Variants in BPIFA3 observed in about 807,000 individuals in gnomAD.
BPIFA3 encodes BPI fold-containing family A member 3.
Under a neutral mutation model 29.7 loss-of-function variants are expected in BPIFA3, and 32 were observed. That is an observed-to-expected ratio of 1.08 (90% confidence interval 0.81 to 1.45). BPIFA3 has a LOEUF of 1.45. Ranked by LOEUF, BPIFA3 falls within the 40% of genes most tolerant of loss-of-function variation. The probability of loss-of-function intolerance (pLI) is 0.00; values close to 1 mark genes in which losing one functional copy is unlikely to be tolerated. For missense variants in BPIFA3, 323 were observed against 311.3 expected (o/e 1.04, Z -0.28); for synonymous variants, 112 against 113.7 (o/e 0.98, Z 0.10).
chr20:33,227,785 G>A lies in BPIFA3; in HGVS notation c.*168G>A. 1.7e-6 allele frequency: 1 copy of A among 590,966 alleles called. No individual in the cohort carries two copies. The highest frequency in any genetic ancestry group is 3.0e-5 in the Admixed American group (1 of 33,886). The allele number at this position is 590,966 out of a possible 1,614,324, so 36.6% of individuals were successfully genotyped here. The stretch of plus-strand genomic sequence containing the variant: ...ACAGGTCCCTCCCACCTGGGCCCTG[G>A]GGTTTAGGTCTAGAAGTCAGACCTG... On this transcript the variant is annotated 3_prime_UTR_variant, in exon 7 of 7. Coordinates refer to ENST00000375454, the MANE Select transcript of BPIFA3 (RefSeq NM_178466.5).
chr20:33,217,418 C>A lies in BPIFA3; in HGVS notation c.-119C>A. Reference sequence around the variant, plus strand: ...GCCCCTCCCCACAGCATGCTGGGGGCTAATTCTGATGTCATCTTTCTGCAG... The same window carrying A: ...GCCCCTCCCCACAGCATGCTGGGGGATAATTCTGATGTCATCTTTCTGCAG... On this transcript the variant is annotated 5_prime_UTR_variant, in exon 1 of 7. Coordinates refer to ENST00000375454, the MANE Select transcript of BPIFA3 (RefSeq NM_178466.5). 1 of 1,324,456 alleles carries A rather than the reference C, an allele frequency of 7.6e-7. No individual in the cohort carries two copies. 82.0% of individuals were successfully genotyped at this position (1,324,456 alleles called of 1,614,324 possible). A position where few individuals can be genotyped will look rare whatever the true frequency, so the allele number is the denominator to read the frequency against.
In BPIFA3 at chr20:33,224,402, C is replaced by T. The variant is rs113989803; in HGVS notation, c.326C>T (p.Ser109Leu). The change falls in exon 3 of 7, where the codon TCA becomes TTA. Residue 109 changes from serine (S) to leucine (L), a missense_variant. Coordinates refer to ENST00000375454, the MANE Select transcript of BPIFA3 (RefSeq NM_178466.5). The stretch of plus-strand genomic sequence containing the variant: ...CTGGACTGTGGTGGGATCCAGATAT[C>T]ATTCCATAAGGAGTGGTTCTCGGCA... ...IQLDCGGIQI[S>L]FHKEWFSANI... 6.2e-7 allele frequency: 1 copy of T among 1,614,056 alleles called. No individual in the cohort carries two copies. The highest frequency in any genetic ancestry group is 8.5e-7 in the Non-Finnish European group (1 of 1,180,012).
intron 1 of BPIFA3, among the ~76,000 whole-genome samples, chr20:33,219,124 C>G (rs1419491647): frequency 6.6e-6 from 1 of 152,056 alleles, no homozygotes; most frequent in Admixed American, 6.5e-5. Flanking sequence ...CAGGCGGTCT[C>G]GAACCCCTGA....
chr20:33,225,008 G>A (rs1248135239), intron 3 of BPIFA3, 90 bp from the exon 4 acceptor site: 3 of 1,237,362 alleles, frequency 2.4e-6, no homozygotes, highest in Admixed American at 1.8e-5. Flanking sequence ...CCCTAACGGT[G>A]GACAGTGCCC....
chr20:33,226,145 A>G (rs1310451037), intron 4 of BPIFA3: 3 of 390,520 alleles, frequency 7.7e-6, no homozygotes, highest in Non-Finnish European at 1.4e-5. Context: ...TGTACCAGAC[A>G]TTCATGGGAG....
chr20:33,227,039 T>A, intron 6 of BPIFA3, 46 bp downstream of exon 6: 1 of 1,573,364 alleles, frequency 6.4e-7, no homozygotes, highest in Admixed American at 1.7e-5. Flanking sequence ...GACTGGCAAG[T>A]GGCTGAAAGA....
chr20:33,225,254 C>T lies in BPIFA3; in HGVS notation c.536+7C>T, dbSNP rs753148476. On this transcript the variant is annotated splice_region_variant and intron_variant, in intron 4 of 6. Coordinates refer to ENST00000375454, the MANE Select transcript of BPIFA3 (RefSeq NM_178466.5). ...ATGTGGCCATCCTCACTGAGTAAGA[C>T]CCCAGCTGCCCCTCCCCAGAGCTGG... is the stretch of plus-strand genomic sequence containing the variant. 2 of 1,613,116 alleles carry T rather than the reference C, an allele frequency of 1.2e-6. No individual in the cohort carries two copies. The highest frequency in any genetic ancestry group is 2.2e-5 in the South Asian group (2 of 91,030).
chr20:33,225,450 A>G, intron 4 of BPIFA3: 1 of 643,462 alleles, frequency 1.6e-6, no homozygotes, highest in South Asian at 2.1e-5. Flanking sequence ...TCACTCCTCA[A>G]GCCCATCATC....
chr20:33,225,098 G>C lies in BPIFA3; in HGVS notation c.387G>C (p.Pro129=), dbSNP rs773447902. 2 of 1,613,886 alleles carry C rather than the reference G, an allele frequency of 1.2e-6. No homozygotes were observed. The highest frequency in any genetic ancestry group is 1.7e-6 in the Non-Finnish European group (2 of 1,179,898). ...ISLEFDLELR[P]SFDNNIVKMC... is the part of the protein sequence containing the mutation. ...CCTCCTCTTCCTCTCTCATCTGCAG[G>C]TCCTTCGATAACAACATCGTAAAGA... is the stretch of plus-strand genomic sequence containing the variant. The change falls in exon 4 of 7, where the codon CCG becomes CCC. Residue 129 remains proline, a splice_region_variant and synonymous_variant. Coordinates refer to ENST00000375454, the MANE Select transcript of BPIFA3 (RefSeq NM_178466.5).
chr20:33,219,078 G>T (rs1351796522), intron 1 of BPIFA3, among the ~76,000 whole-genome samples: 1 of 152,008 alleles, frequency 6.6e-6, no homozygotes, highest in Non-Finnish European at 1.5e-5. Flanking sequence ...GCTAATTTTT[G>T]TATATTTAGT....
chr20:33,224,462 C>G lies in BPIFA3; in HGVS notation c.386C>G (p.Pro129Arg), dbSNP rs749784472. The G allele has an allele frequency of 6.2e-7, 1 of 1,608,248 alleles. No homozygotes were observed. Among genetic ancestry groups the G allele is most frequent in the East Asian group, 2.2e-5 (1 of 44,856 alleles). Residue 129 changes from proline (P) to arginine (R), a missense_variant and splice_region_variant, in exon 3 of 7, where the codon CCG (proline) becomes CGG (arginine). Coordinates refer to ENST00000375454, the MANE Select transcript of BPIFA3 (RefSeq NM_178466.5). ...CTTGAATTTGACCTTGAATTGAGAC[C>G]GTGAGTCATACAGAAGCAGAATCTG... ...ISLEFDLELR[P>R]SFDNNIVKMC...
At chr20:33,218,283 G>T (rs1985354214) in intron 1 of BPIFA3, among the ~76,000 whole-genome samples, 1 of 152,236 alleles carries the variant, frequency 6.6e-6, no homozygotes, top group African/African-American at 2.4e-5. Context: ...CCCAGAAGGA[G>T]AGTGGTTGGG....
chr20:33,225,296 G>A (rs528433568), intron 4 of BPIFA3, 49 bp downstream of exon 4: 3 of 1,609,826 alleles, frequency 1.9e-6, no homozygotes, highest in East Asian at 2.2e-5. Context: ...TTCCTGATGA[G>A]CCCCAGCTGC....
Position 33,226,419 on chromosome 20 carries a change from A to T in BPIFA3, c.550A>T (p.Lys184Ter), listed in dbSNP as rs751922033. ...CTTTCTTTCTAGGGCTATCCCACCA[A>T]AGATGAATCAGTTTCTCTACAACCT... ...VAILTEAIPP[K>*]MNQFLYNLKE... The change falls in exon 5 of 7, where the codon AAG becomes TAG. Residue 184 changes from lysine to a stop codon, truncating the protein, a stop_gained. Coordinates refer to ENST00000375454, the MANE Select transcript of BPIFA3 (RefSeq NM_178466.5). LOFTEE classifies it high-confidence loss of function. 4 of 1,612,518 alleles carry T rather than the reference A, an allele frequency of 2.5e-6. No individual in the cohort carries two copies. The highest frequency in any genetic ancestry group is 3.4e-6 in the Non-Finnish European group (4 of 1,178,856).
chr20:33,226,514 T>C (rs748143543), intron 5 of BPIFA3, 24 bp downstream of exon 5: 4 of 1,516,276 alleles, frequency 2.6e-6, no homozygotes, highest in Non-Finnish European at 3.6e-6. Flanking sequence ...AAACTTTGCA[T>C]CTTGAGCATC....
chr20:33,220,887 C>A (rs1262062383), intron 1 of BPIFA3, among the ~76,000 whole-genome samples: 1 of 152,116 alleles, frequency 6.6e-6, no homozygotes, highest in Non-Finnish European at 1.5e-5. Context: ...GGAAATTAAT[C>A]CAGAATTCCC....
rs894093282 is a variant in BPIFA3 at position 33,227,107 on chromosome 20, G to A, written c.685+114G>A. ...CTGCTAAGGGGCGTCTGCATGTGCC[G>A]TGAGAACACTTTAGAGGTGACCATA... On this transcript the variant is annotated intron_variant, in intron 6 of 6. Transcript: ENST00000375454. 4.9e-5 allele frequency: 42 copies of A among 865,588 alleles called. 1 individual carries two copies. Among genetic ancestry groups the A allele is most frequent in the African/African-American group, 1.8e-4 (11 of 60,438 alleles). The allele number at this position is 865,588 out of a possible 1,614,324, so 53.6% of individuals were successfully genotyped here. A position where few individuals can be genotyped will look rare whatever the true frequency, so the allele number is the denominator to read the frequency against.
chr20:33,217,602 C>T lies in BPIFA3; in HGVS notation c.66C>T (p.His22=). Residue 22 remains histidine, a synonymous_variant, in exon 1 of 7, where the codon CAC becomes CAT. Coordinates refer to ENST00000375454, the MANE Select transcript of BPIFA3 (RefSeq NM_178466.5). ...TGCTGGCCTTGCCCTTGGCACCACA[C>T]AAGCAGCCTTGGCCTGGCCTGGCCC... The part of the protein sequence containing the change: ...LGLLALPLAP[H]KQPWPGLAQA... 1 of 1,614,216 alleles carries T rather than the reference C, an allele frequency of 6.2e-7. No homozygotes were observed. The highest frequency in any genetic ancestry group is 8.5e-7 in the Non-Finnish European group (1 of 1,180,032).
chr20:33,226,893 C>A (rs750873527), intron 5 of BPIFA3, 37 bp from the exon 6 acceptor site: 1 of 1,613,762 alleles, frequency 6.2e-7, no homozygotes, highest in South Asian at 1.1e-5. Context: ...CTTTTCCAGC[C>A]CCTGGCCTGA....
Sources: allele counts gnomAD v4.1 joint callset (sites outside exome capture counted in the v4.1 genomes callset), GRCh38; gene constraint gnomAD v4.1.1; transcripts MANE v1.5; gene names NCBI Gene and HGNC (gene_info 2026-07-23, HGNC 2026-07-21).